Variants in AP2A2 observed in about 807,000 individuals in gnomAD.
The protein encoded by AP2A2 is adaptor related protein complex 2 subunit alpha 2, also known as AP-2 complex subunit alpha-2.
A neutral mutation model predicts 104.2 loss-of-function variants in AP2A2; 32 were observed. The ratio of observed to expected loss-of-function variants is 0.31; its 90% CI spans 0.23 to 0.41. The LOEUF (loss-of-function observed/expected upper bound fraction) is 0.41. AP2A2 is among the 10% of genes least tolerant of loss of function. The probability of loss-of-function intolerance (pLI) is 1.00; values close to 1 mark genes in which losing one functional copy is unlikely to be tolerated. For synonymous variants in AP2A2, 539 were observed against 533.3 expected, an observed-to-expected ratio of 1.01 and a Z score of -0.15; for missense variants, 912 against 1,261.0, an observed-to-expected ratio of 0.72 and a Z score of 4.19.
rs761894920 is a variant in AP2A2, at chr11:992,705, A to G, written c.1452+20A>G. 3.7e-6 allele frequency: 6 copies of G among 1,613,346 alleles called. No homozygotes were observed. The African/African-American group carries it at 5.3e-5, about 14-fold the overall frequency. ...TTCGAGGTATGGCCCGCAGGATGGC[A>G]GGAAGGATGGGGTGGAGGGCAGTTG... On this transcript the variant is annotated intron_variant, in intron 11 of 21. Coordinates refer to ENST00000448903, the MANE Select transcript of AP2A2 (RefSeq NM_012305.4). The surrounding 1 kb of genome is among the most constrained non-coding windows in gnomAD (Gnocchi z 6.4).
intron 4 of AP2A2, among the ~76,000 whole-genome samples, chr11:972,915 G>T (rs1437377017): frequency 1.3e-5 from 2 of 152,242 alleles, no homozygotes; most frequent in Non-Finnish European, 2.9e-5. Flanking sequence ...CGAGCACCGC[G>T]CCGGAGCGCC....
chr11:1,000,020 G>A (rs1014051871), intron 14 of AP2A2, among the ~76,000 whole-genome samples: 16 of 151,290 alleles, frequency 1.1e-4, no homozygotes, highest in Admixed American at 2.0e-4. Flanking sequence ...GTTAGCCAGG[G>A]TGGTCTCGAT....
At chr11:962,304 T>G (rs1410788108) in intron 2 of AP2A2, among the ~76,000 whole-genome samples, 1 of 152,234 alleles carries the variant, frequency 6.6e-6, no homozygotes, top group Non-Finnish European at 1.5e-5. Flanking sequence ...TGTGAATCCA[T>G]TTTGTTATTG....
Position 1,006,519 on chromosome 11 carries a change from T to C in AP2A2, c.2207-9T>C. The C allele has an allele frequency of 1.9e-6, 3 of 1,606,462 alleles. No individual in the cohort carries two copies. Among genetic ancestry groups the C allele is most frequent in the Non-Finnish European group, 1.7e-6 (2 of 1,175,560 alleles). ...GTGTGTGTGAAAAAATTGTTTTTGT[T>C]CCTTCTAGGTCGGATGTTTATCTTT... On this transcript the variant is annotated splice_polypyrimidine_tract_variant and intron_variant, in intron 16 of 21. Transcript: ENST00000448903.
At chr11:1,009,480 A>G in intron 20 of AP2A2, 83 bp downstream of exon 20, 4 of 1,439,812 alleles carry the variant, frequency 2.8e-6, no homozygotes, top group Non-Finnish European at 9.6e-7. Context: ...CCCGGGGAAC[A>G]CGCAGCCCAT....
intron 5 of AP2A2, among the ~76,000 whole-genome samples, chr11:978,641 A>C (rs903887325): frequency 6.6e-6 from 1 of 152,038 alleles, no homozygotes; most frequent in African/African-American, 2.4e-5. Flanking sequence ...GCGCACCTGC[A>C]CCCCTGGCAG....
In AP2A2 at chr11:925,926, C is replaced by T. The variant is rs1159327676; in HGVS notation, c.-96C>T. On this transcript the variant is annotated 5_prime_UTR_variant, in exon 1 of 22. Coordinates refer to ENST00000448903, the MANE Select transcript of AP2A2 (RefSeq NM_012305.4). ...TGGTTAGGCGGCTCCCCGGCGGCTC[C>T]TCCGCGGCGGTGACGGCGACCGCAC... 1.8e-5 allele frequency: 18 copies of T among 995,218 alleles called. No individual in the cohort carries two copies. Among genetic ancestry groups the T allele is most frequent in the Admixed American group, 8.6e-5 (2 of 23,160 alleles). 61.6% of individuals were successfully genotyped at this position (995,218 alleles called of 1,614,324 possible).
Position 926,108 on chromosome 11 carries a change from TGGGGCCGGGGCC to T in AP2A2, c.67+28_67+39del. On this transcript the variant is annotated intron_variant, in intron 1 of 21. Coordinates refer to ENST00000448903, the MANE Select transcript of AP2A2 (RefSeq NM_012305.4). ...GCAACTGTGAGTGGCGGGGGCGGCG[TGGGGCCGGGGCC>T]GGGGCCGCCGGCGGAGACGGGGTCT... 7.9e-7 allele frequency: 1 copy of T among 1,272,754 alleles called. No homozygotes were observed. Among genetic ancestry groups the T allele is most frequent in the Non-Finnish European group, 1.0e-6 (1 of 998,168 alleles). The allele number at this position is 1,272,754 out of a possible 1,614,324, so 78.8% of individuals were successfully genotyped here. A position where few individuals can be genotyped will look rare whatever the true frequency, so the allele number is the denominator to read the frequency against.
chr11:927,816 C>CAAAAA (rs35472837), intron 1 of AP2A2, among the ~76,000 whole-genome samples: 25 of 68,554 alleles, frequency 3.6e-4, no homozygotes, highest in Admixed American at 1.3e-3. Flanking sequence ...ACCTTTCTCA[C>CAAAAA]AAAAAAAAAA....
chr11:928,497 C>T (rs1853188383), intron 1 of AP2A2, among the ~76,000 whole-genome samples: 1 of 152,216 alleles, frequency 6.6e-6, no homozygotes. Context: ...ACTATATAGA[C>T]CAGACTTTCT....
chr11:971,765 A>C (rs1854837520), intron 3 of AP2A2, among the ~76,000 whole-genome samples: 1 of 152,164 alleles, frequency 6.6e-6, no homozygotes, highest in Non-Finnish European at 1.5e-5. Context: ...CCCACAGTGA[A>C]GTGAGTGGGA....
chr11:965,838 G>A (rs752541357), intron 2 of AP2A2, among the ~76,000 whole-genome samples: 5 of 152,194 alleles, frequency 3.3e-5, no homozygotes, highest in Non-Finnish European at 5.9e-5. Flanking sequence ...CAGAGACATG[G>A]TAGTTTCTTT....
chr11:934,451 C>T (rs1853389232), intron 1 of AP2A2, among the ~76,000 whole-genome samples: 1 of 152,032 alleles, frequency 6.6e-6, no homozygotes, highest in South Asian at 2.1e-4. Flanking sequence ...AAATTGTAGC[C>T]CTGTCGAGAG....
chr11:997,517 T>C (rs984050134), intron 14 of AP2A2, among the ~76,000 whole-genome samples: 4 of 152,240 alleles, frequency 2.6e-5, no homozygotes, highest in Non-Finnish European at 5.9e-5. Context: ...TCCTGGGGCC[T>C]TGCATCTGGC....
chr11:964,218 T>C (rs1374963322), intron 2 of AP2A2, among the ~76,000 whole-genome samples: 2 of 152,168 alleles, frequency 1.3e-5, no homozygotes. Flanking sequence ...CTCAAAATGT[T>C]GGGAAGGTTA....
In AP2A2 at chr11:993,926, C is replaced by A; in HGVS notation, c.1723C>A (p.Leu575Met). Residue 575 changes from leucine (L) to methionine (M), a missense_variant, in exon 13 of 22, where the codon CTG (leucine) becomes ATG (methionine). Leu to Met is a conservative substitution (Grantham distance 15, BLOSUM62 2). Coordinates refer to ENST00000448903, the MANE Select transcript of AP2A2 (RefSeq NM_012305.4). This position sits in a 1 kb window ranked among gnomAD's most constrained non-coding sequence, Gnocchi z 8.2. The part of the protein sequence containing the change: ...DSQLRNADVE[L>M]QQRAVEYLRL... ...CCAGCTCAGGAACGCAGACGTGGAG[C>A]TGCAGCAGCGTGCTGTGGAGTACCT... is the stretch of plus-strand genomic sequence containing the variant. 1 of 1,612,208 alleles carries A rather than the reference C, an allele frequency of 6.2e-7. No individual in the cohort carries two copies. Among genetic ancestry groups the A allele is most frequent in the East Asian group, 2.2e-5 (1 of 44,862 alleles).
intron 6 of AP2A2, among the ~76,000 whole-genome samples, chr11:981,799 T>A (rs1242926452): frequency 6.6e-6 from 1 of 152,258 alleles, no homozygotes; most frequent in Non-Finnish European, 1.5e-5. Flanking sequence ...AACACTTAGC[T>A]CCTTGCCCTC....
intron 1 of AP2A2, among the ~76,000 whole-genome samples, chr11:951,158 A>G (rs1460472419): frequency 6.6e-6 from 1 of 152,202 alleles, no homozygotes; most frequent in East Asian, 1.9e-4. Context: ...CGAATGTTCA[A>G]TAAGCATATA....
intron 16 of AP2A2, among the ~76,000 whole-genome samples, chr11:1,004,708 T>G (rs1856146083): frequency 6.7e-6 from 1 of 149,980 alleles, no homozygotes; most frequent in African/African-American, 2.5e-5. Flanking sequence ...CCCAGGTGTT[T>G]GAGGCTGCAG....
Sources: gnomAD v4.1 joint callset for allele counts (sites outside exome capture counted in the v4.1 genomes callset) on GRCh38, gnomAD v4.1.1 for gene constraint, Gnocchi (gnomAD v3.1) non-coding constraint, MANE v1.5 for transcripts, NCBI Gene and HGNC (gene_info 2026-07-23, HGNC 2026-07-21) for gene names.